Variants in PRKN observed in about 807,000 individuals in gnomAD.
PRKN encodes parkin RBR E3 ubiquitin protein ligase, also known as E3 ubiquitin-protein ligase parkin.
A neutral mutation model predicts 59.5 loss-of-function variants in PRKN; 56 were observed. That is an observed-to-expected ratio of 0.94 (90% CI 0.76 to 1.18). The LOEUF (loss-of-function observed/expected upper bound fraction) is 1.18. Among genes scored for constraint, PRKN ranks in the 50% most tolerant of loss-of-function variants. The pLI, the probability that PRKN is intolerant of heterozygous loss-of-function variation, is 0.00. For missense variants in PRKN, 657 were observed against 596.4 expected, an observed-to-expected ratio of 1.10 and a Z score of -1.06; for synonymous variants, 250 against 222.1, an observed-to-expected ratio of 1.13 and a Z score of -1.12.
intron 4 of PRKN, among the ~76,000 whole-genome samples, chr6:162,076,238 G>A (rs538311291): frequency 7.1e-4 from 108 of 152,084 alleles, no homozygotes; most frequent in African/African-American, 1.8e-3. Flanking sequence ...CAAAGTGCTG[G>A]GATTACAGGT....
At chr6:162,230,149 T>C (rs1778361398) in intron 3 of PRKN, among the ~76,000 whole-genome samples, 1 of 152,208 alleles carries the variant, frequency 6.6e-6, no homozygotes, top group South Asian at 2.1e-4. Context: ...AGGTTGTAGG[T>C]TGAAATCAAG....
chr6:162,418,661 T>TGTGTGTGTGTGTGTGTGTGTG (rs1398856017), intron 2 of PRKN, among the ~76,000 whole-genome samples: 9 of 145,728 alleles, frequency 6.2e-5, no homozygotes, highest in East Asian at 4.1e-4. Context: ...TGCGTGTGTG[T>TGTGTGTGTGTGTGTGTGTGTG]TGAGGGGGGG....
chr6:161,817,635 G>T (rs1041008882), intron 6 of PRKN, among the ~76,000 whole-genome samples: 2 of 152,106 alleles, frequency 1.3e-5, no homozygotes, highest in East Asian at 1.9e-4. Flanking sequence ...AAGTTAACTT[G>T]TTAATAAAAC....
At chr6:161,891,694 A>AG (rs1321701594) in intron 6 of PRKN, among the ~76,000 whole-genome samples, 1 of 152,210 alleles carries the variant, frequency 6.6e-6, no homozygotes, top group African/African-American at 2.4e-5. Flanking sequence ...GCATATCTAC[A>AG]GGGGGTAAGA....
rs1215099571 is a variant in PRKN at position 161,409,488 on chromosome 6, C to T, written c.1084-22611G>A. ...AGGACCCAGTCTTTCCAGAGTGCCC[C>T]TTTCTCAGGACATAGACAAGTAGCT... On this transcript the variant is annotated intron_variant, in intron 9 of 11. Transcript: ENST00000366898. The surrounding 1 kb of genome is among the most constrained non-coding windows in gnomAD (Gnocchi z 4.6). Among the ~76,000 whole-genome samples the T allele has an allele frequency of 6.6e-6, 1 of 152,138 alleles. No individual in the cohort carries two copies. The highest frequency in any genetic ancestry group is 2.4e-5 in the African/African-American group (1 of 41,414).
At chr6:161,608,528 ACT>A (rs1782369010) in intron 7 of PRKN, among the ~76,000 whole-genome samples, 1 of 151,690 alleles carries the variant, frequency 6.6e-6, no homozygotes, top group Non-Finnish European at 1.5e-5. Context: ...GGATAGTCAT[ACT>A]ATATTTAATT....
At chr6:161,626,244 G>C (rs530847571) in intron 7 of PRKN, among the ~76,000 whole-genome samples, 48 of 152,216 alleles carry the variant, frequency 3.2e-4, no homozygotes, top group African/African-American at 1.1e-3. Context: ...TGGCTGTGCG[G>C]CTGTTAGGAT....
intron 4 of PRKN, among the ~76,000 whole-genome samples, chr6:162,177,715 C>A (rs1014560890): frequency 6.6e-6 from 1 of 151,866 alleles, no homozygotes; most frequent in African/African-American, 2.4e-5. Context: ...ACAACAAAGA[C>A]GGCAGAAGTT....
intron 8 of PRKN, among the ~76,000 whole-genome samples, chr6:161,564,367 T>C (rs1780560362): frequency 6.6e-6 from 1 of 152,124 alleles, no homozygotes; most frequent in African/African-American, 2.4e-5. Flanking sequence ...CCACATCCAC[T>C]CTGTGTATCC....
intron 2 of PRKN, among the ~76,000 whole-genome samples, chr6:162,306,030 T>A (rs1339582066): frequency 6.6e-6 from 1 of 152,170 alleles, no homozygotes; most frequent in Non-Finnish European, 1.5e-5. Flanking sequence ...GGACCAAATC[T>A]TCTATAACCT....
At chr6:162,424,581 A>G (rs1234792379) in intron 2 of PRKN, among the ~76,000 whole-genome samples, 1 of 151,862 alleles carries the variant, frequency 6.6e-6, no homozygotes, top group Non-Finnish European at 1.5e-5. Flanking sequence ...TAAAAATACA[A>G]AAAAATTAGC....
intron 1 of PRKN, among the ~76,000 whole-genome samples, chr6:162,457,694 G>C (rs1352728271): frequency 6.6e-6 from 1 of 152,076 alleles, no homozygotes; most frequent in East Asian, 1.9e-4. Flanking sequence ...CAAACTCTGG[G>C]GCTCACACTG....
At chr6:162,420,247 T>C (rs1221320419) in intron 2 of PRKN, among the ~76,000 whole-genome samples, 3 of 118,550 alleles carry the variant, frequency 2.5e-5, no homozygotes, top group African/African-American at 1.0e-4. Context: ...TCTTCACATG[T>C]ACATTTCACA....
At position 162,708,822 on chromosome 6, in the gene PRKN, A is replaced by G. The variant is rs1403685698; in HGVS notation, c.7+18840T>C. Among the ~76,000 whole-genome samples the G allele has an allele frequency of 2.0e-5, 3 of 152,018 alleles. No homozygotes were observed. In the East Asian group the frequency reaches 5.8e-4, roughly 29 times the overall value. On this transcript the variant is annotated intron_variant, in intron 1 of 11. Coordinates refer to ENST00000366898, the MANE Select transcript of PRKN (RefSeq NM_004562.3). ...ACATATCTTACTGCAGGGGCCCCCA[A>G]GCCGCAGGCCATAGGGGTCCGTGGC...
chr6:162,233,060 T>G (rs1778491532), intron 3 of PRKN, among the ~76,000 whole-genome samples: 1 of 152,158 alleles, frequency 6.6e-6, no homozygotes, highest in Non-Finnish European at 1.5e-5. Flanking sequence ...TACAGTAAAA[T>G]AATACCACAT....
chr6:162,500,850 T>C lies in PRKN; in HGVS notation c.8-57377A>G, dbSNP rs1793331704. Among the ~76,000 whole-genome samples, 6 of 152,190 alleles carry C rather than the reference T, an allele frequency of 3.9e-5. No individual in the cohort carries two copies. In the South Asian group the frequency reaches 1.2e-3, roughly 32 times the overall value. ...ATTTAATATTATTTCTTAAATACTA[T>C]TAATTTTATTACTTACATAATAAAG... On this transcript the variant is annotated intron_variant, in intron 1 of 11. Transcript: ENST00000366898.
chr6:162,673,622 G>C (rs1312698832), intron 1 of PRKN, among the ~76,000 whole-genome samples: 1 of 152,174 alleles, frequency 6.6e-6, no homozygotes, highest in Non-Finnish European at 1.5e-5. Flanking sequence ...CTGAGTTCAA[G>C]CGATCCACCC....
chr6:162,221,594 G>A (rs973840763), intron 3 of PRKN, among the ~76,000 whole-genome samples: 10 of 152,098 alleles, frequency 6.6e-5, no homozygotes, highest in African/African-American at 1.2e-4. Flanking sequence ...CTCCAAAATC[G>A]TCAGCCAAAT....
intron 1 of PRKN, among the ~76,000 whole-genome samples, chr6:162,706,756 G>A (rs1160235322): frequency 6.6e-6 from 1 of 152,072 alleles, no homozygotes; most frequent in East Asian, 1.9e-4. Context: ...ATCAGGCATT[G>A]TTTTTATCTA....
Sources: allele counts gnomAD v4.1 joint callset (sites outside exome capture counted in the v4.1 genomes callset), GRCh38; gene constraint gnomAD v4.1.1; non-coding constraint Gnocchi (gnomAD v3.1); transcripts MANE v1.5; gene names NCBI Gene and HGNC (gene_info 2026-07-23, HGNC 2026-07-21).